KLHL29: variants seen among roughly 807,000 people sequenced by gnomAD.
The protein encoded by KLHL29 is kelch like family member 29.
A neutral mutation model predicts 80.4 loss-of-function variants in KLHL29; 21 were observed. The ratio of observed to expected loss-of-function variants is 0.26; its 90% CI spans 0.19 to 0.38. KLHL29 has a LOEUF of 0.38. KLHL29 is among the 10% of genes least tolerant of loss of function. KLHL29 has a pLI of 1.00. For missense variants in KLHL29, 867 were observed against 1,223.9 expected, an observed-to-expected ratio of 0.71 and a Z score of 4.35; for synonymous variants, 511 against 526.8, an observed-to-expected ratio of 0.97 and a Z score of 0.41.
intron 6 of KLHL29, 130 bp from the exon 7 acceptor site, chr2:23,691,544 G>A (rs1671603047): frequency 1.5e-6 from 1 of 689,380 alleles, no homozygotes; most frequent in Non-Finnish European, 2.5e-6. Flanking sequence ...GTTCAGGTGT[G>A]TCATTGCCGT....
chr2:23,437,423 G>C (rs1040750658), intron 1 of KLHL29, among the ~76,000 whole-genome samples: 2 of 152,158 alleles, frequency 1.3e-5, no homozygotes, highest in Admixed American at 1.3e-4. Flanking sequence ...AGGATGAAAG[G>C]CATTTTCTTT....
At chr2:23,701,805 T>C (rs1182585695) in intron 11 of KLHL29, among the ~76,000 whole-genome samples, 20 of 141,874 alleles carry the variant, frequency 1.4e-4, no homozygotes, top group South Asian at 2.4e-4. Context: ...TTTTTTTTTT[T>C]TTTTTTTTTT....
chr2:23,701,962 GC>G (rs1672415547), intron 11 of KLHL29, among the ~76,000 whole-genome samples: 1 of 148,108 alleles, frequency 6.8e-6, no homozygotes, highest in Non-Finnish European at 1.5e-5. Context: ...ACAGGCATGT[GC>G]CACCATGCCC....
intron 1 of KLHL29, among the ~76,000 whole-genome samples, chr2:23,408,776 A>G (rs1307893802): frequency 6.6e-6 from 1 of 152,174 alleles, no homozygotes; most frequent in Non-Finnish European, 1.5e-5. Flanking sequence ...AAGCTTTTCT[A>G]ATTTGAAGGA....
In KLHL29 at chr2:23,457,601, C is replaced by A. The variant is rs1288212518; in HGVS notation, c.-153-17959C>A. ...GTGTCACAAGGATTGTAACAGCGTC[C>A]CACTGGTGCTGGATGGCCAACAATA... On this transcript the variant is annotated intron_variant, in intron 1 of 13. Coordinates refer to ENST00000486442, the MANE Select transcript of KLHL29 (RefSeq NM_052920.2). The surrounding 1 kb of genome is among the most constrained non-coding windows in gnomAD (Gnocchi z 4.3). Among the ~76,000 whole-genome samples the A allele has an allele frequency of 6.6e-6, 1 of 152,166 alleles. No homozygotes were observed. The highest frequency in any genetic ancestry group is 1.5e-5 in the Non-Finnish European group (1 of 68,026).
At chr2:23,639,656 T>A (rs931841276) in intron 4 of KLHL29, among the ~76,000 whole-genome samples, 1 of 131,958 alleles carries the variant, frequency 7.6e-6, no homozygotes, top group African/African-American at 2.8e-5. Flanking sequence ...ACAACTGGGG[T>A]GTTCTACCCT....
intron 3 of KLHL29, among the ~76,000 whole-genome samples, chr2:23,592,996 C>T (rs1367203367): frequency 2.0e-5 from 3 of 152,226 alleles, no homozygotes; most frequent in East Asian, 1.9e-4. Context: ...GTTCTCTGCT[C>T]GAGTGCTGTG....
At chr2:23,548,604 C>T (rs1667042709) in intron 2 of KLHL29, among the ~76,000 whole-genome samples, 2 of 152,214 alleles carry the variant, frequency 1.3e-5, no homozygotes, top group South Asian at 4.1e-4. Flanking sequence ...CCTTTTGCCA[C>T]AGTGGCCAGT....
chr2:23,488,694 T>C (rs10490750), intron 2 of KLHL29, among the ~76,000 whole-genome samples: 41,583 of 152,100 alleles, frequency 0.27, 6,225 homozygotes, highest in African/African-American at 0.38. Flanking sequence ...GGAGACAGAA[T>C]CACAAGTGTA....
chr2:23,411,269 G>GA (rs1327196827), intron 1 of KLHL29, among the ~76,000 whole-genome samples: 1 of 152,176 alleles, frequency 6.6e-6, no homozygotes, highest in Non-Finnish European at 1.5e-5. Context: ...GTTGAGGACA[G>GA]GGTAGTGAGA....
At chr2:23,660,760 T>C (rs1414315394) in intron 5 of KLHL29, among the ~76,000 whole-genome samples, 1 of 152,186 alleles carries the variant, frequency 6.6e-6, no homozygotes, top group Non-Finnish European at 1.5e-5. Flanking sequence ...GCACAGTGGC[T>C]CACACCTGTA....
chr2:23,611,598 G>A (rs989240241), intron 3 of KLHL29, among the ~76,000 whole-genome samples: 1 of 152,206 alleles, frequency 6.6e-6, no homozygotes, highest in Non-Finnish European at 1.5e-5. Context: ...TGCAAAGGTA[G>A]AATCTGTAAC....
chr2:23,519,351 C>T (rs1666030198), intron 2 of KLHL29, among the ~76,000 whole-genome samples: 1 of 151,832 alleles, frequency 6.6e-6, no homozygotes, highest in Non-Finnish European at 1.5e-5. Flanking sequence ...CTCCCTCCCA[C>T]CCAGGCATTC....
At chr2:23,517,067 A>T (rs1180357594) in intron 2 of KLHL29, among the ~76,000 whole-genome samples, 2 of 152,184 alleles carry the variant, frequency 1.3e-5, no homozygotes, top group African/African-American at 4.8e-5. Context: ...CGTGGTGCGG[A>T]GCCTGCAAAG....
chr2:23,621,638 G>A (rs574725264), intron 3 of KLHL29, among the ~76,000 whole-genome samples: 33 of 152,246 alleles, frequency 2.2e-4, no homozygotes, highest in African/African-American at 7.5e-4. Flanking sequence ...GGAGAGAATG[G>A]AGGTGAATGG....
intron 5 of KLHL29, among the ~76,000 whole-genome samples, chr2:23,674,664 T>C (rs1670873273): frequency 6.6e-6 from 1 of 152,178 alleles, no homozygotes; most frequent in Non-Finnish European, 1.5e-5. Context: ...TGGAGGGCTA[T>C]GAGCACAGGA....
intron 2 of KLHL29, among the ~76,000 whole-genome samples, chr2:23,508,547 C>A (rs13021993): frequency 7.2e-5 from 11 of 152,234 alleles, no homozygotes; most frequent in Non-Finnish European, 8.8e-5. Flanking sequence ...AATCACAAGT[C>A]CACGTAGATT....
intron 5 of KLHL29, among the ~76,000 whole-genome samples, chr2:23,677,169 C>G (rs946185086): frequency 6.6e-6 from 1 of 152,228 alleles, no homozygotes; most frequent in African/African-American, 2.4e-5. Flanking sequence ...AGCTGGAAGG[C>G]AGTCTTCAGT....
At chr2:23,605,184 T>A (rs976110336) in intron 3 of KLHL29, among the ~76,000 whole-genome samples, 8 of 138,064 alleles carry the variant, frequency 5.8e-5, no homozygotes, top group African/African-American at 2.1e-4. Context: ...CCGTCTCAGC[T>A]CACTACAACC....
Sources: allele counts gnomAD v4.1 joint callset (sites outside exome capture counted in the v4.1 genomes callset), GRCh38; gene constraint gnomAD v4.1.1; non-coding constraint Gnocchi (gnomAD v3.1); transcripts MANE v1.5; gene names NCBI Gene and HGNC (gene_info 2026-07-23, HGNC 2026-07-21).